The following DYNC1H1 variants were observed in gnomAD, a reference collection of about 807,000 sequenced individuals.
The protein encoded by DYNC1H1 is cytoplasmic dynein 1 heavy chain 1.
DYNC1H1 carries 51 observed loss-of-function variants against 527.1 expected under a neutral mutation model. That is an observed-to-expected ratio of 0.10 (90% CI 0.08 to 0.12). The LOEUF (loss-of-function observed/expected upper bound fraction) is 0.12, where lower values mean the gene tolerates loss of function less well. Ranked by LOEUF, DYNC1H1 falls within the 10% of genes least tolerant of loss-of-function variation. DYNC1H1 has a pLI of 1.00. For synonymous variants in DYNC1H1, 2,189 were observed against 2,278.8 expected (o/e 0.96, Z 1.12); for missense variants, 2,771 against 5,971.8 (o/e 0.46, Z 17.66).
chr14:101,988,699 G>T lies in DYNC1H1; in HGVS notation c.2719-4G>T. On this transcript the variant is annotated splice_region_variant and splice_polypyrimidine_tract_variant and intron_variant, in intron 9 of 77. Coordinates refer to ENST00000360184, the MANE Select transcript of DYNC1H1 (RefSeq NM_001376.5). ...ACTGTTCTCTGATATAACGTTGTCT[G>T]TAGATTGAAAGAATATTGGGCGTCC... The T allele has an allele frequency of 6.2e-7, 1 of 1,614,162 alleles. No individual in the cohort carries two copies. The highest frequency in any genetic ancestry group is 8.5e-7 in the Non-Finnish European group (1 of 1,180,020).
rs758717208 is a variant in DYNC1H1, at chr14:101,987,472, T to C, written c.2558T>C (p.Ile853Thr). 7.4e-6 allele frequency: 12 copies of C among 1,614,056 alleles called. No homozygotes were observed. In the East Asian group the frequency reaches 2.2e-4, roughly 30 times the overall value. Residue 853 changes from isoleucine (I) to threonine (T), a missense_variant, in exon 9 of 78, where the codon ATT (isoleucine) becomes ACT (threonine). Physicochemically the swap from Ile to Thr is moderately conservative, Grantham distance 89 (BLOSUM62 -1). This residue lies in a region of DYNC1H1 where 179 missense variants were observed against 349.4 expected (regional missense o/e 0.51). Transcript: ENST00000360184. ...CTTCAGGTGGATGATCTGCTGATCA[T>C]TGAAGAAAAAATAGACCTAGAAGTC... ...FQEKVDDLLIIEEKIDLEVRS... is the reference protein window; with the variant it reads ...FQEKVDDLLITEEKIDLEVRS...
intron 1 of DYNC1H1, among the ~76,000 whole-genome samples, chr14:101,969,758 A>T (rs550331756): frequency 6.6e-6 from 1 of 152,376 alleles, no homozygotes; most frequent in African/African-American, 2.4e-5. Flanking sequence ...GATAAATTTG[A>T]ATGTGCAGTG....
At chr14:101,982,891 A>C (rs2047885065) in intron 5 of DYNC1H1, 128 bp from the exon 6 acceptor site, 1 of 1,177,684 alleles carries the variant, frequency 8.5e-7, no homozygotes, top group Non-Finnish European at 1.2e-6. Context: ...TGTTTTTTCA[A>C]ATATGAATAG....
At chr14:101,973,143 C>G (rs942230920) in intron 1 of DYNC1H1, among the ~76,000 whole-genome samples, 3 of 151,614 alleles carry the variant, frequency 2.0e-5, no homozygotes, top group Non-Finnish European at 4.4e-5. Flanking sequence ...AAATTATATC[C>G]AAATATACCC....
intron 56 of DYNC1H1, 75 bp downstream of exon 56, chr14:102,034,527 CTT>C: frequency 6.2e-7 from 1 of 1,606,604 alleles, no homozygotes; most frequent in Non-Finnish European, 8.5e-7. Flanking sequence ...AAAATACACC[CTT>C]GTTTGAAGAG....
rs17512790 is a variant in DYNC1H1, at chr14:102,039,266, G to A, written c.11460+12G>A. On this transcript the variant is annotated intron_variant, in intron 60 of 77. Transcript: ENST00000360184. The surrounding 1 kb of genome is among the most constrained non-coding windows in gnomAD (Gnocchi z 7.0). ...AGTCCCTCAAGCAGGTGGGTGCCTT[G>A]GCCATGCAGAGACTGGCGGGCCCCG... The A allele has an allele frequency of 8.7e-5, 140 of 1,613,150 alleles. 1 individual carries two copies. In the South Asian group the frequency reaches 1.4e-3, roughly 17 times the overall value.
Position 102,018,813 on chromosome 14 carries a change from G to A in DYNC1H1, c.8343+197G>A, listed in dbSNP as rs1209651832. Among the ~76,000 whole-genome samples, 4 of 152,146 alleles carry A rather than the reference G, an allele frequency of 2.6e-5. No individual in the cohort carries two copies. The highest frequency in any genetic ancestry group is 9.7e-5 in the African/African-American group (4 of 41,422). ...CTGTCTCTACAAAAAATAGGTGGGC[G>A]TGGTGGTGCATGCTTGTAATGTCAG... On this transcript the variant is annotated intron_variant, in intron 41 of 77. Coordinates refer to ENST00000360184, the MANE Select transcript of DYNC1H1 (RefSeq NM_001376.5). This position sits in a 1 kb window ranked among gnomAD's most constrained non-coding sequence, Gnocchi z 5.2.
At position 101,986,560 on chromosome 14, in the gene DYNC1H1, A is replaced by G; in HGVS notation, c.2335A>G (p.Ile779Val). 6.2e-7 allele frequency: 1 copy of G among 1,614,156 alleles called. No individual in the cohort carries two copies. The highest frequency in any genetic ancestry group is 8.5e-7 in the Non-Finnish European group (1 of 1,180,026). ...HQANQLYPFAISLIESVRTYE... is the reference protein window; with the variant it reads ...HQANQLYPFAVSLIESVRTYE... The stretch of plus-strand genomic sequence containing the variant: ...AGCAAACCAGCTTTACCCGTTTGCC[A>G]TCTCACTGATCGAGAGCGTTCGTAC... The change falls in exon 8 of 78, where the codon ATC (isoleucine) becomes GTC (valine). Residue 779 changes from isoleucine (I) to valine (V), a missense_variant. By Grantham distance (29) the Ile-to-Val change is conservative. This residue lies in a region of DYNC1H1 where 264 missense variants were observed against 619.4 expected (regional missense o/e 0.43). Coordinates refer to ENST00000360184, the MANE Select transcript of DYNC1H1 (RefSeq NM_001376.5). The surrounding 1 kb of genome is among the most constrained non-coding windows in gnomAD (Gnocchi z 8.7).
At chr14:102,021,246 G>A (rs1046922459) in intron 42 of DYNC1H1, among the ~76,000 whole-genome samples, 2 of 152,086 alleles carry the variant, frequency 1.3e-5, no homozygotes, top group African/African-American at 2.4e-5. Flanking sequence ...GTGTGGTGAC[G>A]TGTACCTGTA....
In DYNC1H1 at chr14:102,012,419, C is replaced by T. The variant is rs1369633147; in HGVS notation, c.6963C>T (p.Asp2321=). The change falls in exon 34 of 78, where the codon GAC becomes GAT. Residue 2321 remains aspartate, a synonymous_variant. Transcript: ENST00000360184. This position sits in a 1 kb window ranked among gnomAD's most constrained non-coding sequence, Gnocchi z 4.9. ...WVENLNSVLD[D]NKLLTLPNGE... is the part of the protein sequence containing the mutation. ...AGAACTTGAACTCAGTGCTGGATGACAATAAGCTCCTAACTTTGCCCAATG... is the reference window on the plus strand; with the variant it reads ...AGAACTTGAACTCAGTGCTGGATGATAATAAGCTCCTAACTTTGCCCAATG... The T allele has an allele frequency of 6.2e-7, 1 of 1,614,064 alleles. No homozygotes were observed. The highest frequency in any genetic ancestry group is 1.3e-5 in the African/African-American group (1 of 74,906).
intron 16 of DYNC1H1, among the ~76,000 whole-genome samples, chr14:101,999,775 A>G (rs566606691): frequency 8.4e-4 from 128 of 152,312 alleles, no homozygotes; most frequent in African/African-American, 2.9e-3. Flanking sequence ...CCACCATTCT[A>G]TTTTATTTAT....
intron 5 of DYNC1H1, among the ~76,000 whole-genome samples, chr14:101,982,167 C>T (rs973740578): frequency 2.0e-5 from 3 of 152,290 alleles, no homozygotes; most frequent in African/African-American, 7.2e-5. Flanking sequence ...TTGTGCACTC[C>T]TTATGAGAAT....
chr14:101,970,014 C>T (rs560362440), intron 1 of DYNC1H1, among the ~76,000 whole-genome samples: 34 of 152,240 alleles, frequency 2.2e-4, no homozygotes, highest in South Asian at 1.7e-3. Flanking sequence ...CTCTGCAGTG[C>T]CTTGGTATCT....
Position 101,985,190 on chromosome 14 carries a change from T to A in DYNC1H1, c.1462-497T>A, listed in dbSNP as rs1204469872. Reference sequence around the variant, plus strand: ...TTTACTAGCTCTGTGACTGGAATGCTTTATTTAGTCTCTTTTTCAGAGAGT... The same window carrying A: ...TTTACTAGCTCTGTGACTGGAATGCATTATTTAGTCTCTTTTTCAGAGAGT... On this transcript the variant is annotated intron_variant, in intron 7 of 77. Coordinates refer to ENST00000360184, the MANE Select transcript of DYNC1H1 (RefSeq NM_001376.5). This position sits in a 1 kb window ranked among gnomAD's most constrained non-coding sequence, Gnocchi z 5.9. 2.6e-5 allele frequency among the ~76,000 whole-genome samples: 4 copies of A among 152,180 alleles called. No individual in the cohort carries two copies. Among genetic ancestry groups the A allele is most frequent in the Non-Finnish European group, 5.9e-5 (4 of 68,036 alleles).
In DYNC1H1 at chr14:102,033,522, G is replaced by A. The variant is rs995894435; in HGVS notation, c.10413+38G>A. The A allele has an allele frequency of 3.7e-6, 6 of 1,610,986 alleles. No homozygotes were observed. In the African/African-American group the frequency reaches 6.7e-5, roughly 18 times the overall value. ...TCATTGATCCTCAGCCTTTCCTGCT[G>A]TGGAAGCAGAGATTAACACACTTCA... On this transcript the variant is annotated intron_variant, in intron 54 of 77. Coordinates refer to ENST00000360184, the MANE Select transcript of DYNC1H1 (RefSeq NM_001376.5). This position sits in a 1 kb window ranked among gnomAD's most constrained non-coding sequence, Gnocchi z 5.6.
rs977374193 is a variant in DYNC1H1, at chr14:101,997,989, T to A, written c.3804+715T>A. ...CTGGGAGGGTGGTGTGGAAGGGGGCTGGCAACTCATGCTGATAGCAGAGGT... is the reference window on the plus strand; with the variant it reads ...CTGGGAGGGTGGTGTGGAAGGGGGCAGGCAACTCATGCTGATAGCAGAGGT... On this transcript the variant is annotated intron_variant, in intron 16 of 77. Transcript: ENST00000360184. The surrounding 1 kb of genome is among the most constrained non-coding windows in gnomAD (Gnocchi z 4.8). 2.0e-5 allele frequency among the ~76,000 whole-genome samples: 3 copies of A among 152,210 alleles called. No individual in the cohort carries two copies. The highest frequency in any genetic ancestry group is 7.2e-5 in the African/African-American group (3 of 41,460).
At position 102,036,463 on chromosome 14, in the gene DYNC1H1, C is replaced by T; in HGVS notation, c.10755-26C>T. On this transcript the variant is annotated intron_variant, in intron 56 of 77. Coordinates refer to ENST00000360184, the MANE Select transcript of DYNC1H1 (RefSeq NM_001376.5). This position sits in a 1 kb window ranked among gnomAD's most constrained non-coding sequence, Gnocchi z 5.6. ...TGCTTTCCCCATTCGGTGTTTCAAC[C>T]TTCTCTTCTGTGGCCTCATCCTCAG... 6.2e-7 allele frequency: 1 copy of T among 1,612,770 alleles called. No individual in the cohort carries two copies. Among genetic ancestry groups the T allele is most frequent in the Non-Finnish European group, 8.5e-7 (1 of 1,179,656 alleles).
At chr14:102,009,667 G>A in intron 29 of DYNC1H1, 176 bp from the exon 30 acceptor site, 1 of 930,456 alleles carries the variant, frequency 1.1e-6, no homozygotes, top group Non-Finnish European at 1.6e-6. Context: ...CACCTGGGCT[G>A]GGAGAATGTG....
At chr14:101,984,337 CT>C (rs2047902882) in intron 7 of DYNC1H1, among the ~76,000 whole-genome samples, 1 of 145,156 alleles carries the variant, frequency 6.9e-6, no homozygotes, top group Non-Finnish European at 1.5e-5. Flanking sequence ...CTACTTCTTT[CT>C]GTTGTCTTTA....
Sources: allele counts gnomAD v4.1 joint callset (sites outside exome capture counted in the v4.1 genomes callset), GRCh38; gene constraint gnomAD v4.1.1; regional missense constraint gnomAD v4.1.1; non-coding constraint Gnocchi (gnomAD v3.1); transcripts MANE v1.5; gene names NCBI Gene and HGNC (gene_info 2026-07-23, HGNC 2026-07-21).